Variants in SLC60A2 observed in about 807,000 individuals in gnomAD.
The protein encoded by SLC60A2 is major facilitator superfamily domain containing 4B.
the SLC60A2 span, among the ~76,000 whole-genome samples, chr6:111,275,148 G>A: frequency 6.6e-6 from 1 of 151,364 alleles, no homozygotes; most frequent in African/African-American, 2.4e-5. Context: ...TAAATTCCTG[G>A]CTTCAAGCAA....
At chr6:111,274,348 G>A in the SLC60A2 span, among the ~76,000 whole-genome samples, 5 of 152,146 alleles carry the variant, frequency 3.3e-5, no homozygotes, top group Non-Finnish European at 7.3e-5. Context: ...TTTGTGTGGA[G>A]TATCTTTTTC....
chr6:111,271,045 A>G, the SLC60A2 span: 1 of 150,848 alleles, frequency 6.6e-6, no homozygotes, highest in Non-Finnish European at 1.5e-5. Flanking sequence ...TTCTGTCACT[A>G]TTTTATGTCC....
chr6:111,269,997 G>A, the SLC60A2 span: 3 of 120,928 alleles, frequency 2.5e-5, no homozygotes, highest in Non-Finnish European at 4.6e-5. Context: ...AGGCTGTACT[G>A]AAGCGGCCTG....
At chr6:111,271,775 TAAAA>T in the SLC60A2 span, among the ~76,000 whole-genome samples, 3,479 of 18,216 alleles carry the variant, frequency 0.19, 76 homozygotes, top group Middle Eastern at 0.33. Flanking sequence ...CCATCTCTAC[TAAAA>T]AAAAAAAAAA....
the SLC60A2 span, among the ~76,000 whole-genome samples, chr6:111,260,091 A>G: frequency 2.4e-4 from 37 of 152,126 alleles, no homozygotes; most frequent in African/African-American, 7.9e-4. Context: ...TTGTATTTTT[A>G]GTAGAGACGG....
chr6:111,278,294 C>T, the SLC60A2 span: 16 of 152,238 alleles, frequency 1.1e-4, no homozygotes, highest in African/African-American at 3.9e-4. Context: ...AGATGTAGTA[C>T]AGGAAAAACC....
chr6:111,266,027 GTC>G, the SLC60A2 span: 1 of 1,614,122 alleles, frequency 6.2e-7, no homozygotes, highest in Non-Finnish European at 8.5e-7. Context: ...ACCACACAGA[GTC>G]TGACTTCCAT....
the SLC60A2 span, among the ~76,000 whole-genome samples, chr6:111,271,594 T>C: frequency 9.3e-5 from 14 of 150,672 alleles, no homozygotes; most frequent in African/African-American, 3.4e-4. Context: ...AAAAACCTAA[T>C]TGGGAGATGA....
the SLC60A2 span, among the ~76,000 whole-genome samples, chr6:111,279,252 ACTTT>A: frequency 0.046 from 6,779 of 147,924 alleles, 442 homozygotes; most frequent in East Asian, 0.33. Context: ...AATTCTGTGC[ACTTT>A]CTTTCTTTCT....
the SLC60A2 span, chr6:111,265,556 A>C: frequency 5.8e-6 from 1 of 173,116 alleles, no homozygotes; most frequent in Non-Finnish European, 1.1e-5. Flanking sequence ...TAATATATAA[A>C]TATTTCTTCT....
the SLC60A2 span, among the ~76,000 whole-genome samples, chr6:111,279,927 C>CA: frequency 2.0e-5 from 3 of 151,246 alleles, no homozygotes; most frequent in East Asian, 1.9e-4. Flanking sequence ...CCATCTCAAA[C>CA]AAAAAAAATA....
chr6:111,259,442 C>T, the SLC60A2 span: 1 of 413,656 alleles, frequency 2.4e-6, no homozygotes, highest in Admixed American at 4.4e-5. Flanking sequence ...CGGAGGGACA[C>T]CCGTGCCTGG....
chr6:111,263,790 A>C, the SLC60A2 span: 1 of 1,091,016 alleles, frequency 9.2e-7, no homozygotes. Flanking sequence ...CCATGACTGC[A>C]TGGATATTAT....
At chr6:111,272,555 A>G in the SLC60A2 span, among the ~76,000 whole-genome samples, 1 of 139,546 alleles carries the variant, frequency 7.2e-6, no homozygotes, top group African/African-American at 2.7e-5. Context: ...CTTGTTGCCC[A>G]GGCTGCAGTG....
chr6:111,262,182 G>A, the SLC60A2 span: 1 of 1,231,382 alleles, frequency 8.1e-7, no homozygotes, highest in Non-Finnish European at 1.1e-6. Flanking sequence ...TTTTTTTATA[G>A]TGGAAGAAAC....
chr6:111,267,011 T>TA, the SLC60A2 span: 1 of 1,614,088 alleles, frequency 6.2e-7, no homozygotes, highest in East Asian at 2.2e-5. Context: ...CTGAAGTCTA[T>TA]AATCAATACC....
chr6:111,276,637 C>T, the SLC60A2 span, among the ~76,000 whole-genome samples: 1 of 152,058 alleles, frequency 6.6e-6, no homozygotes, highest in Non-Finnish European at 1.5e-5. Flanking sequence ...TCTTTTTTGT[C>T]CTTGCAGTAG....
chr6:111,265,851 A>AT, the SLC60A2 span: 1 of 1,551,066 alleles, frequency 6.4e-7, no homozygotes, highest in South Asian at 1.2e-5. Flanking sequence ...TAACTTAAAT[A>AT]ATTTTTCCCA....
chr6:111,276,077 G>A, the SLC60A2 span, among the ~76,000 whole-genome samples: 3 of 152,122 alleles, frequency 2.0e-5, no homozygotes, highest in Non-Finnish European at 4.4e-5. Flanking sequence ...TGTCTTCAAG[G>A]ATCATCCTTG....
Sources: allele counts gnomAD v4.1 joint callset (sites outside exome capture counted in the v4.1 genomes callset), GRCh38; gene constraint gnomAD v4.1.1; transcripts MANE v1.5; gene names NCBI Gene and HGNC (gene_info 2026-07-23, HGNC 2026-07-21).